The following SYNDIG1 variants were observed in gnomAD, a reference collection of about 807,000 sequenced individuals.
SYNDIG1 encodes synapse differentiation-inducing gene protein 1.
Under a neutral mutation model 19.4 loss-of-function variants are expected in SYNDIG1, and 9 were observed. The observed-to-expected ratio is 0.46, with a 90% confidence interval of 0.28 to 0.81. The LOEUF (loss-of-function observed/expected upper bound fraction) is 0.81, where lower values mean the gene tolerates loss of function less well. SYNDIG1 is among the 30% of genes least tolerant of loss of function. The pLI is 0.12. For missense variants in SYNDIG1, 311 were observed against 343.3 expected, an observed-to-expected ratio of 0.91 and a Z score of 0.74; for synonymous variants, 141 against 145.9, an observed-to-expected ratio of 0.97 and a Z score of 0.24.
intron 1 of SYNDIG1, among the ~76,000 whole-genome samples, chr20:24,538,926 AC>A (rs1418727819): frequency 1.3e-5 from 2 of 151,972 alleles, no homozygotes; most frequent in African/African-American, 4.8e-5. Context: ...TCTATTCAAG[AC>A]CTTTGCCAGT....
At chr20:24,641,777 G>A (rs1229729372) in intron 3 of SYNDIG1, among the ~76,000 whole-genome samples, 1 of 152,208 alleles carries the variant, frequency 6.6e-6, no homozygotes, top group Non-Finnish European at 1.5e-5. Flanking sequence ...CAGACTCACA[G>A]CTCCTGGTCT....
intron 1 of SYNDIG1, among the ~76,000 whole-genome samples, chr20:24,470,838 C>T (rs1476686687): frequency 1.3e-5 from 2 of 152,132 alleles, no homozygotes; most frequent in Non-Finnish European, 2.9e-5. Context: ...TGCGCACAGT[C>T]CTCCTGCGAC....
chr20:24,540,177 G>A (rs1204452351), intron 1 of SYNDIG1, among the ~76,000 whole-genome samples: 1 of 152,126 alleles, frequency 6.6e-6, no homozygotes, highest in Non-Finnish European at 1.5e-5. Context: ...TATTGTAAAT[G>A]AATTTTTAAA....
intron 1 of SYNDIG1, among the ~76,000 whole-genome samples, chr20:24,525,318 G>T: frequency 8.0e-6 from 1 of 125,272 alleles, no homozygotes. Flanking sequence ...TTGAGACAGA[G>T]TCTTACTCTG....
At chr20:24,640,517 GGAAGGAAGGAA>G (rs753636744) in intron 3 of SYNDIG1, among the ~76,000 whole-genome samples, 3,397 of 140,210 alleles carry the variant, frequency 0.024, 124 homozygotes, top group East Asian at 0.15. Flanking sequence ...AAGGAAGGAA[GGAAGGAAGGAA>G]GGAGCTTTTC....
At chr20:24,576,083 G>C (rs1346849933) in intron 2 of SYNDIG1, among the ~76,000 whole-genome samples, 1 of 152,186 alleles carries the variant, frequency 6.6e-6, no homozygotes, top group African/African-American at 2.4e-5. Flanking sequence ...TGTGCTCTGT[G>C]ACGTCCCTCA....
intron 3 of SYNDIG1, among the ~76,000 whole-genome samples, chr20:24,596,625 C>T (rs62215309): frequency 0.079 from 12,061 of 152,172 alleles, 629 homozygotes; most frequent in East Asian, 0.13. Flanking sequence ...GTGATCAGAC[C>T]GCCTCGGCCT....
At chr20:24,550,402 T>G (rs1002319277) in intron 2 of SYNDIG1, among the ~76,000 whole-genome samples, 1 of 152,196 alleles carries the variant, frequency 6.6e-6, no homozygotes, top group Non-Finnish European at 1.5e-5. Flanking sequence ...TCTAGGGAGT[T>G]GCATATGGGT....
In SYNDIG1 at chr20:24,512,108, AATATATATATATATATATATAT is replaced by A. The variant is rs56002733; in HGVS notation, c.-78-30887_-78-30866del. Among the ~76,000 whole-genome samples, 525 of 76,554 alleles carry A rather than the reference AATATATATATATATATATATAT, an allele frequency of 6.9e-3. 5 individuals are homozygous for A. Among genetic ancestry groups the A allele is most frequent in the South Asian group, 0.048 (95 of 1,962 alleles). 50.2% of individuals were successfully genotyped at this position (76,554 alleles called of 152,430 possible). Reference sequence around the variant, plus strand: ...GCCATGAGGCACCATTGGTCTTTAAAATATATATATATATATATATATATATATATATATATATATATATATG... The same window carrying A: ...GCCATGAGGCACCATTGGTCTTTAAAATATATATATATATATATATATATG... On this transcript the variant is annotated intron_variant, in intron 1 of 3. Coordinates refer to ENST00000376862, the MANE Select transcript of SYNDIG1 (RefSeq NM_024893.3).
intron 3 of SYNDIG1, among the ~76,000 whole-genome samples, chr20:24,641,569 G>T (rs538306103): frequency 6.6e-6 from 1 of 152,062 alleles, no homozygotes; most frequent in Non-Finnish European, 1.5e-5. Context: ...AGTATTTGTC[G>T]CAACCAGCAA....
chr20:24,578,395 A>G (rs961659977), intron 2 of SYNDIG1, among the ~76,000 whole-genome samples: 99 of 151,734 alleles, frequency 6.5e-4, no homozygotes, highest in African/African-American at 5.6e-4. Context: ...GCGAGCCCCA[A>G]TCGCGCCACT....
intron 2 of SYNDIG1, among the ~76,000 whole-genome samples, chr20:24,550,634 G>A (rs1245171327): frequency 1.3e-5 from 2 of 151,590 alleles, no homozygotes; most frequent in African/African-American, 2.4e-5. Context: ...TCAGCCTCCC[G>A]AGTAGCTGGG....
intron 1 of SYNDIG1, among the ~76,000 whole-genome samples, chr20:24,474,710 C>T (rs770069764): frequency 1.7e-4 from 26 of 152,180 alleles, no homozygotes; most frequent in Admixed American, 1.6e-3. Flanking sequence ...TTTCAAACTG[C>T]GTCTTTCAAG....
intron 3 of SYNDIG1, among the ~76,000 whole-genome samples, chr20:24,650,766 G>A (rs139927077): frequency 6.6e-5 from 10 of 152,178 alleles, no homozygotes; most frequent in African/African-American, 2.4e-4. Context: ...AATGTATCTT[G>A]TACTTCTTAC....
chr20:24,496,142 G>T lies in SYNDIG1; in HGVS notation c.-79+26389G>T, dbSNP rs374542261. ...TTGCAAGCGTGAGCCACCAAGCCTGGCCATATTTCTGTTTTTAAAAACTGG... is the reference window on the plus strand; with the variant it reads ...TTGCAAGCGTGAGCCACCAAGCCTGTCCATATTTCTGTTTTTAAAAACTGG... On this transcript the variant is annotated intron_variant, in intron 1 of 3. Coordinates refer to ENST00000376862, the MANE Select transcript of SYNDIG1 (RefSeq NM_024893.3). Among the ~76,000 whole-genome samples the T allele has an allele frequency of 3.2e-4, 49 of 152,316 alleles. No homozygotes were observed. The South Asian group carries it at 8.7e-3, about 27-fold the overall frequency.
At chr20:24,502,894 G>A (rs1162923845) in intron 1 of SYNDIG1, among the ~76,000 whole-genome samples, 1 of 152,238 alleles carries the variant, frequency 6.6e-6, no homozygotes, top group Non-Finnish European at 1.5e-5. Context: ...GAGCGCTGAC[G>A]TGGGAGTTTT....
At chr20:24,563,196 G>T (rs747356110) in intron 2 of SYNDIG1, among the ~76,000 whole-genome samples, 5 of 152,146 alleles carry the variant, frequency 3.3e-5, no homozygotes, top group African/African-American at 4.8e-5. Context: ...TTATGGACCT[G>T]CCTCTGTCTT....
At chr20:24,632,172 G>A (rs4813524) in intron 3 of SYNDIG1, among the ~76,000 whole-genome samples, 29,361 of 152,138 alleles carry the variant, frequency 0.19, 3,767 homozygotes, top group Admixed American at 0.35. Context: ...GAGGAGTTTG[G>A]AAGTCAGCCT....
In SYNDIG1 at chr20:24,659,359, G is replaced by A. The variant is rs886514204; in HGVS notation, c.619-5987G>A. Among the ~76,000 whole-genome samples, 23 of 152,224 alleles carry A rather than the reference G, an allele frequency of 1.5e-4. 1 individual carries two copies. The highest frequency in any genetic ancestry group is 7.3e-5 in the Non-Finnish European group (5 of 68,038). On this transcript the variant is annotated intron_variant, in intron 3 of 3. Coordinates refer to ENST00000376862, the MANE Select transcript of SYNDIG1 (RefSeq NM_024893.3). ...GAGCATGAGTTACCCTTGGAAACACGGTAGGGGGAAAGTCTGCCGTCCTCA... is the reference window on the plus strand; with the variant it reads ...GAGCATGAGTTACCCTTGGAAACACAGTAGGGGGAAAGTCTGCCGTCCTCA...
Sources: allele counts gnomAD v4.1 joint callset (sites outside exome capture counted in the v4.1 genomes callset), GRCh38; gene constraint gnomAD v4.1.1; transcripts MANE v1.5; gene names NCBI Gene and HGNC (gene_info 2026-07-23, HGNC 2026-07-21).